NPAT: variants seen among roughly 807,000 people sequenced by gnomAD.
NPAT encodes the protein protein NPAT.
In NPAT, 52 loss-of-function variants were observed where a neutral mutation model predicts 130.7. The ratio of observed to expected loss-of-function variants is 0.40; its 90% CI spans 0.32 to 0.50. NPAT has a LOEUF of 0.50. Among genes scored for constraint, NPAT ranks in the 20% least tolerant of loss-of-function variants. NPAT has a pLI of 0.68. For missense variants in NPAT, 1,687 were observed against 1,662.6 expected, an observed-to-expected ratio of 1.01 and a Z score of -0.26; for synonymous variants, 580 against 584.8, an observed-to-expected ratio of 0.99 and a Z score of 0.12.
chr11:108,192,029 A>G lies in NPAT; in HGVS notation c.290+89T>C, dbSNP rs75344091. 1,665 of 895,472 alleles carry G rather than the reference A, an allele frequency of 1.9e-3. 19 individuals carry two copies. In the African/African-American group the frequency reaches 0.022, roughly 12 times the overall value. 55.5% of individuals were successfully genotyped at this position (895,472 alleles called of 1,614,324 possible). A position where few individuals can be genotyped will look rare whatever the true frequency, so the allele number is the denominator to read the frequency against. ...AATTTCAAAACTGGATGAGTGTTAT[A>G]TAAGTACACTGTGTAGGTCTTAAGA... On this transcript the variant is annotated intron_variant, in intron 4 of 17. Coordinates refer to ENST00000278612, the MANE Select transcript of NPAT (RefSeq NM_002519.3).
At position 108,173,871 on chromosome 11, in the gene NPAT, T is replaced by A. The variant is rs755387328; in HGVS notation, c.1133-20A>T. The A allele has an allele frequency of 1.0e-5, 16 of 1,598,600 alleles. No homozygotes were observed. The South Asian group carries it at 1.5e-4, about 15-fold the overall frequency. ...GACCATCTGCAAAGTATCAGGCAGGTAGACAGATATGGTAAATATGTTCAG... is the reference window on the plus strand; with the variant it reads ...GACCATCTGCAAAGTATCAGGCAGGAAGACAGATATGGTAAATATGTTCAG... On this transcript the variant is annotated intron_variant, in intron 12 of 17. Transcript: ENST00000278612.
In NPAT at chr11:108,161,939, T is replaced by C; in HGVS notation, c.3147A>G (p.Glu1049=). 6.2e-7 allele frequency: 1 copy of C among 1,606,378 alleles called. No homozygotes were observed. Among genetic ancestry groups the C allele is most frequent in the Non-Finnish European group, 8.5e-7 (1 of 1,176,422 alleles). The change falls in exon 17 of 18, where the codon GAA becomes GAG. Residue 1049 remains glutamate, a synonymous_variant. Coordinates refer to ENST00000278612, the MANE Select transcript of NPAT (RefSeq NM_002519.3). ...GTTTAGCAGCTGGAACTATACTCTC[T>C]TCTGGGAAGGGAACTGTGGTTTCTT... ...KSEETTVPFP[E]ESIVPAAKPC...
At chr11:108,189,869 C>CAAA (rs754180914) in intron 5 of NPAT, among the ~76,000 whole-genome samples, 3 of 59,318 alleles carry the variant, frequency 5.1e-5, no homozygotes, top group Admixed American at 1.9e-4. Context: ...GACTCCGTCT[C>CAAA]AAAAAAAAAA....
chr11:108,209,893 A>T (rs1379610392), intron 1 of NPAT, among the ~76,000 whole-genome samples: 5 of 38,954 alleles, frequency 1.3e-4, no homozygotes, highest in South Asian at 1.3e-3. Flanking sequence ...CATCTCAAAA[A>T]AAAAAAAAAA....
intron 15 of NPAT, 56 bp downstream of exon 15, chr11:108,169,688 G>T: frequency 8.0e-7 from 1 of 1,243,552 alleles, no homozygotes; most frequent in Non-Finnish European, 1.2e-6. Context: ...AGGTGTTGCT[G>T]CAAACAAATG....
In NPAT at chr11:108,169,982, G is replaced by T; in HGVS notation, c.2847C>A (p.Ile949=). 6.2e-7 allele frequency: 1 copy of T among 1,613,910 alleles called. No homozygotes were observed. Among genetic ancestry groups the T allele is most frequent in the South Asian group, 1.1e-5 (1 of 91,076 alleles). The change falls in exon 14 of 18, where the codon ATC becomes ATA. Residue 949 remains isoleucine, a synonymous_variant. Transcript: ENST00000278612. ...CATTCTGTCCAACCACAGATACTGG[G>T]ATCATCCCTACCATTCCTTGGAGTA... ...QPVLQGMVGM[I]PVSVVGQNGN...
At position 108,173,784 on chromosome 11, in the gene NPAT, C is replaced by T. The variant is rs184769256; in HGVS notation, c.1200G>A (p.Lys400=). The change falls in exon 13 of 18, where the codon AAG becomes AAA. Residue 400 remains lysine (K), a synonymous_variant. Coordinates refer to ENST00000278612, the MANE Select transcript of NPAT (RefSeq NM_002519.3). ...YQNDDPLNAL[K]NSNNHDVLRQ... ...TAAGCACATCATGGTTGTTGCTATT[C>T]TTCAAAGCATTTAATGGGTCATCAT... 60 of 1,614,136 alleles carry T rather than the reference C, an allele frequency of 3.7e-5. No individual in the cohort carries two copies. The East Asian group carries it at 1.2e-3, about 32-fold the overall frequency.
rs2078098079 is a variant in NPAT at position 108,185,391 on chromosome 11, T to C, written c.818+12A>G. ...CAAAAACAATTAGGCATTTTAAACA[T>C]ATATAGCTTACCTAGTTAAAAATTT... On this transcript the variant is annotated intron_variant, in intron 9 of 17. Transcript: ENST00000278612. 6.3e-7 allele frequency: 1 copy of C among 1,580,736 alleles called. No homozygotes were observed. Among genetic ancestry groups the C allele is most frequent in the Non-Finnish European group, 8.7e-7 (1 of 1,151,324 alleles).
chr11:108,176,033 CA>C (rs1031508332), intron 12 of NPAT, among the ~76,000 whole-genome samples: 2 of 151,778 alleles, frequency 1.3e-5, no homozygotes, highest in African/African-American at 4.8e-5. Context: ...CACACACCAA[CA>C]AAAAAAGCTT....
chr11:108,222,574 A>G lies in NPAT; in HGVS notation c.-38T>C. 1 of 1,612,386 alleles carries G rather than the reference A, an allele frequency of 6.2e-7. No individual in the cohort carries two copies. The highest frequency in any genetic ancestry group is 8.5e-7 in the Non-Finnish European group (1 of 1,179,018). ...AGCAGGAACCACAATAAGGAACAAG[A>G]CTCAGGTTAAAGCAAACACAGCGAC... On this transcript the variant is annotated 5_prime_UTR_variant, in exon 1 of 18. Transcript: ENST00000278612.
At position 108,198,656 on chromosome 11, in the gene NPAT, C is replaced by T. The variant is rs1046044687; in HGVS notation, c.38-1236G>A. Among the ~76,000 whole-genome samples, 4 of 152,178 alleles carry T rather than the reference C, an allele frequency of 2.6e-5. No homozygotes were observed. In the South Asian group the frequency reaches 8.3e-4, roughly 32 times the overall value. Reference sequence around the variant, plus strand: ...TTTAGCCAATCAAATGGTGCTTTTTCCAGGTTCACCCATGGACCAATCAGC... The same window carrying T: ...TTTAGCCAATCAAATGGTGCTTTTTTCAGGTTCACCCATGGACCAATCAGC... On this transcript the variant is annotated intron_variant, in intron 1 of 17. Coordinates refer to ENST00000278612, the MANE Select transcript of NPAT (RefSeq NM_002519.3).
At position 108,172,360 on chromosome 11, in the gene NPAT, G is replaced by T. The variant is rs1463263518; in HGVS notation, c.2624C>A (p.Pro875Gln). The T allele has an allele frequency of 1.2e-6, 2 of 1,614,192 alleles. No homozygotes were observed. The highest frequency in any genetic ancestry group is 3.3e-5 in the Admixed American group (2 of 60,018). The change falls in exon 13 of 18, where the codon CCA becomes CAA. Residue 875 changes from proline (P) to glutamine (Q), a missense_variant. Physicochemically the swap from Pro to Gln is moderately conservative, Grantham distance 76 (BLOSUM62 -1). Transcript: ENST00000278612. ...NILIATCVTD[P>Q]TALGTSVSQS... The stretch of plus-strand genomic sequence containing the variant: ...ACTTACAGATGTTCCTAACGCTGTT[G>T]GATCAGTCACACAGGTAGCTATCAG...
chr11:108,187,959 G>A (rs2078123867), intron 7 of NPAT, 139 bp downstream of exon 7: 3 of 686,374 alleles, frequency 4.4e-6, no homozygotes, highest in East Asian at 2.7e-5. Context: ...GAAAGACAAT[G>A]TATTTTGGAA....
At chr11:108,180,250 T>G (rs940432624) in intron 10 of NPAT, among the ~76,000 whole-genome samples, 1 of 152,038 alleles carries the variant, frequency 6.6e-6, no homozygotes, top group Non-Finnish European at 1.5e-5. Flanking sequence ...TCACCTGAGC[T>G]CAAAGAGGTT....
In NPAT at chr11:108,161,826, T is replaced by C; in HGVS notation, c.3260A>G (p.Asn1087Ser). 6.2e-7 allele frequency: 1 copy of C among 1,614,148 alleles called. No homozygotes were observed. The highest frequency in any genetic ancestry group is 8.5e-7 in the Non-Finnish European group (1 of 1,180,042). ...QGPNHKMVSQNKERNAVSFPN... is the reference protein window; with the variant it reads ...QGPNHKMVSQSKERNAVSFPN... Reference sequence around the variant, plus strand: ...AAAAGAGACTGCATTCCTTTCTTTGTTTTGGGACACCATCTTATGGTTTGG... The same window carrying C: ...AAAAGAGACTGCATTCCTTTCTTTGCTTTGGGACACCATCTTATGGTTTGG... The change falls in exon 17 of 18, where the codon AAC becomes AGC. Residue 1087 changes from asparagine (N) to serine (S), a missense_variant. Asn to Ser is a conservative substitution (Grantham distance 46). Coordinates refer to ENST00000278612, the MANE Select transcript of NPAT (RefSeq NM_002519.3).
At chr11:108,162,723 G>A (rs570542004) in intron 15 of NPAT, among the ~76,000 whole-genome samples, 5 of 152,278 alleles carry the variant, frequency 3.3e-5, no homozygotes, top group African/African-American at 1.2e-4. Flanking sequence ...GAACCACCGC[G>A]CCCGGTTCAG....
intron 5 of NPAT, 134 bp from the exon 6 acceptor site, chr11:108,189,464 C>A: frequency 1.3e-6 from 1 of 747,094 alleles, no homozygotes; most frequent in Non-Finnish European, 2.4e-6. Context: ...CTAAATATAT[C>A]AACTAAATTT....
At position 108,172,335 on chromosome 11, in the gene NPAT, A is replaced by C; in HGVS notation, c.2649T>G (p.Ser883Arg). 1.2e-6 allele frequency: 2 copies of C among 1,614,206 alleles called. No homozygotes were observed. The highest frequency in any genetic ancestry group is 1.7e-6 in the Non-Finnish European group (2 of 1,180,042). The stretch of plus-strand genomic sequence containing the variant: ...CAGGCAACACCACTACATTAGACTG[A>C]CTTACAGATGTTCCTAACGCTGTTG... The part of the protein sequence containing the change: ...TDPTALGTSV[S>R]QSNVVVLPGN... The change falls in exon 13 of 18, where the codon AGT becomes AGG. Residue 883 changes from serine to arginine, a missense_variant. Ser to Arg is a moderately radical substitution (Grantham distance 110). Transcript: ENST00000278612.
chr11:108,205,545 A>C (rs1333841569), intron 1 of NPAT, among the ~76,000 whole-genome samples: 2 of 152,214 alleles, frequency 1.3e-5, no homozygotes, highest in Non-Finnish European at 2.9e-5. Context: ...CTGGGATTAC[A>C]GGAGTAAGCC....
Sources: allele counts gnomAD v4.1 joint callset (sites outside exome capture counted in the v4.1 genomes callset), GRCh38; gene constraint gnomAD v4.1.1; transcripts MANE v1.5; gene names NCBI Gene and HGNC (gene_info 2026-07-23, HGNC 2026-07-21).